Variants in TTC28 observed in about 807,000 individuals in gnomAD.
TTC28 encodes tetratricopeptide repeat domain 28, also known as tetratricopeptide repeat protein 28.
Under a neutral mutation model 198.0 loss-of-function variants are expected in TTC28, and 61 were observed. The observed-to-expected ratio is 0.31, with a 90% CI of 0.25 to 0.38. The LOEUF is 0.38. Ranked by LOEUF, TTC28 falls within the 10% of genes least tolerant of loss-of-function variation. The pLI, the probability that TTC28 is intolerant of heterozygous loss-of-function variation, is 1.00. For synonymous variants in TTC28, 1,171 were observed against 1,297.8 expected, an observed-to-expected ratio of 0.90 and a Z score of 2.10; for missense variants, 2,678 against 3,164.0, an observed-to-expected ratio of 0.85 and a Z score of 3.69.
At chr22:28,189,114 G>A (rs1924478988) in intron 5 of TTC28, among the ~76,000 whole-genome samples, 1 of 152,134 alleles carries the variant, frequency 6.6e-6, no homozygotes, top group Non-Finnish European at 1.5e-5. Flanking sequence ...TTGGGAGGCT[G>A]AGGTGGGAGG....
intron 2 of TTC28, among the ~76,000 whole-genome samples, chr22:28,528,397 G>A (rs901682933): frequency 1.3e-5 from 2 of 152,012 alleles, no homozygotes; most frequent in African/African-American, 2.4e-5. Flanking sequence ...GATGCATATA[G>A]TAATCCCTTG....
At chr22:28,346,092 A>G (rs1428405345) in intron 2 of TTC28, among the ~76,000 whole-genome samples, 1 of 152,196 alleles carries the variant, frequency 6.6e-6, no homozygotes, top group Non-Finnish European at 1.5e-5. Flanking sequence ...CGTATTCTTT[A>G]TAACAACCTG....
rs1471193124 is a variant in TTC28, at chr22:28,001,492, C to T, written c.4280G>A (p.Gly1427Glu). ...RHRQLILVLEGELYLIPFALL... is the reference protein window; with the variant it reads ...RHRQLILVLEEELYLIPFALL... Reference sequence around the variant, plus strand: ...GGCGAAAGGAATGAGGTAGAGCTCCCCCTCCAGAACCAGGATGAGCTGCCG... The same window carrying T: ...GGCGAAAGGAATGAGGTAGAGCTCCTCCTCCAGAACCAGGATGAGCTGCCG... The change falls in exon 15 of 23, where the codon GGG (glycine) becomes GAG (glutamate). Residue 1427 changes from glycine (G) to glutamate (E), a missense_variant. Physicochemically the swap from Gly to Glu is moderately conservative, Grantham distance 98. Around this residue, in one of 8 missense-constraint regions of TTC28, gnomAD observed 727 missense variants for 861.9 expected, o/e 0.84. Coordinates refer to ENST00000397906, the MANE Select transcript of TTC28 (RefSeq NM_001145418.2). 1 of 1,551,412 alleles carries T rather than the reference C, an allele frequency of 6.4e-7. No homozygotes were observed. The highest frequency in any genetic ancestry group is 8.7e-7 in the Non-Finnish European group (1 of 1,146,988).
At chr22:28,160,918 G>A (rs934049633) in intron 6 of TTC28, among the ~76,000 whole-genome samples, 8 of 152,098 alleles carry the variant, frequency 5.3e-5, no homozygotes, top group African/African-American at 1.9e-4. Flanking sequence ...TCAGGACAGT[G>A]GTGTTTCACA....
chr22:28,573,997 T>C (rs748048304), intron 2 of TTC28, among the ~76,000 whole-genome samples: 12 of 152,164 alleles, frequency 7.9e-5, no homozygotes, highest in Non-Finnish European at 1.3e-4. Context: ...GCTCCAGTCC[T>C]ATTCACGTTG....
At chr22:28,041,386 T>C (rs1939633036) in intron 12 of TTC28, among the ~76,000 whole-genome samples, 1 of 152,162 alleles carries the variant, frequency 6.6e-6, no homozygotes, top group African/African-American at 2.4e-5. Context: ...AAAACAGATA[T>C]ATAGACCAAT....
At chr22:28,081,281 A>G (rs1941348402) in intron 12 of TTC28, among the ~76,000 whole-genome samples, 2 of 151,848 alleles carry the variant, frequency 1.3e-5, no homozygotes, top group Non-Finnish European at 2.9e-5. Context: ...TCCAGGTTCA[A>G]GCGATTCTCA....
At chr22:28,333,554 G>A (rs928913947) in intron 2 of TTC28, among the ~76,000 whole-genome samples, 1 of 151,968 alleles carries the variant, frequency 6.6e-6, no homozygotes, top group Admixed American at 6.6e-5. Context: ...AATGAACTAG[G>A]TTATATTTAC....
At position 28,163,109 on chromosome 22, in the gene TTC28, C is replaced by T. The variant is rs781109329; in HGVS notation, c.1424G>A (p.Arg475Gln). ...EDLKDRAAEG[R>Q]ASSNLGIIHQ... The stretch of plus-strand genomic sequence containing the variant: ...GTTCTTACCTAGATTGGAGGATGCT[C>T]GCCCCTCTGCAGCCCGGTCCTTGAG... Residue 475 changes from arginine to glutamine, a missense_variant, in exon 6 of 23, where the codon CGA becomes CAA. Coordinates refer to ENST00000397906, the MANE Select transcript of TTC28 (RefSeq NM_001145418.2). The T allele has an allele frequency of 3.2e-6, 5 of 1,549,890 alleles. No homozygotes were observed. In the African/African-American group the frequency reaches 4.1e-5, roughly 13 times the overall value.
At chr22:28,050,919 A>G (rs1469020081) in intron 12 of TTC28, among the ~76,000 whole-genome samples, 1 of 152,204 alleles carries the variant, frequency 6.6e-6, no homozygotes, top group East Asian at 1.9e-4. Context: ...AATGAGGCAA[A>G]CTGGAGGGGG....
chr22:28,238,313 A>T (rs1437847363), intron 5 of TTC28, among the ~76,000 whole-genome samples: 4 of 152,072 alleles, frequency 2.6e-5, no homozygotes, highest in Non-Finnish European at 5.9e-5. Flanking sequence ...CTACTGATGC[A>T]TCTTTAGGTT....
intron 6 of TTC28, among the ~76,000 whole-genome samples, chr22:28,115,035 T>C (rs1942593517): frequency 6.6e-6 from 1 of 152,172 alleles, no homozygotes; most frequent in African/African-American, 2.4e-5. Flanking sequence ...CAAAACAAGG[T>C]TGATACTGTG....
At chr22:28,152,739 A>G (rs571435107) in intron 6 of TTC28, among the ~76,000 whole-genome samples, 1 of 152,346 alleles carries the variant, frequency 6.6e-6, no homozygotes, top group African/African-American at 2.4e-5. Flanking sequence ...TGGTTAGTGT[A>G]CTGACTACCT....
chr22:28,488,089 G>C (rs754182941), intron 2 of TTC28, among the ~76,000 whole-genome samples: 7 of 152,096 alleles, frequency 4.6e-5, no homozygotes, highest in Non-Finnish European at 8.8e-5. Flanking sequence ...TCCAGGCATA[G>C]AGAACCAGTT....
intron 5 of TTC28, among the ~76,000 whole-genome samples, chr22:28,294,579 T>C (rs1569244032): frequency 6.6e-6 from 1 of 151,796 alleles, no homozygotes; most frequent in Non-Finnish European, 1.5e-5. Flanking sequence ...TTTTTTTCTT[T>C]CCCCCCCAAG....
intron 2 of TTC28, among the ~76,000 whole-genome samples, chr22:28,468,555 C>T (rs551268444): frequency 1.3e-5 from 2 of 151,252 alleles, no homozygotes; most frequent in African/African-American, 4.9e-5. Context: ...CTCACTCTGT[C>T]GCCCAGGCTG....
chr22:28,480,161 T>C (rs1325009825), intron 2 of TTC28, among the ~76,000 whole-genome samples: 2 of 152,172 alleles, frequency 1.3e-5, no homozygotes, highest in Non-Finnish European at 2.9e-5. Context: ...ACAATGGCTA[T>C]ATAAGAGAAA....
chr22:28,386,378 C>A (rs149820530), intron 2 of TTC28, among the ~76,000 whole-genome samples: 1 of 145,878 alleles, frequency 6.9e-6, no homozygotes, highest in Non-Finnish European at 1.5e-5. Flanking sequence ...TTTGCTTATG[C>A]TTTTTCTTCC....
chr22:28,044,385 T>G (rs932922348), intron 12 of TTC28, among the ~76,000 whole-genome samples: 1 of 152,198 alleles, frequency 6.6e-6, no homozygotes, highest in African/African-American at 2.4e-5. Context: ...ATGAATTCTG[T>G]GTGCTTTGCT....
Sources: gnomAD v4.1 joint callset for allele counts (sites outside exome capture counted in the v4.1 genomes callset) on GRCh38, gnomAD v4.1.1 for gene constraint, gnomAD v4.1.1 regional missense constraint, MANE v1.5 for transcripts, NCBI Gene and HGNC (gene_info 2026-07-23, HGNC 2026-07-21) for gene names.